The following COL23A1 variants were observed in gnomAD, a reference collection of about 807,000 sequenced individuals.
COL23A1 encodes the protein collagen type XXIII alpha 1 chain.
COL23A1 carries 97 observed loss-of-function variants against 99.3 expected under a neutral mutation model. The ratio of observed to expected loss-of-function variants is 0.98; its 90% confidence interval spans 0.83 to 1.16. The LOEUF is 1.16. COL23A1 is among the 50% of genes most tolerant of loss of function. The pLI, the probability that COL23A1 is intolerant of heterozygous loss-of-function variation, is 0.00. For synonymous variants in COL23A1, 320 were observed against 308.2 expected (o/e 1.04, Z -0.40); for missense variants, 762 against 757.4 (o/e 1.01, Z -0.07).
chr5:178,538,130 C>G (rs1761085297), intron 2 of COL23A1, among the ~76,000 whole-genome samples: 1 of 152,322 alleles, frequency 6.6e-6, no homozygotes, highest in Non-Finnish European at 1.5e-5. Context: ...TCATCATCAT[C>G]CTGAGCACAG....
chr5:178,285,258 C>T (rs755898087), intron 5 of COL23A1, among the ~76,000 whole-genome samples: 11 of 152,120 alleles, frequency 7.2e-5, no homozygotes, highest in Non-Finnish European at 1.0e-4. Flanking sequence ...AGAAAAGCAC[C>T]GACAGTCTCC....
At chr5:178,562,887 A>AT (rs1488830284) in intron 1 of COL23A1, among the ~76,000 whole-genome samples, 2 of 151,994 alleles carry the variant, frequency 1.3e-5, no homozygotes, top group East Asian at 1.9e-4. Context: ...TGTTTGGTGC[A>AT]TTTTTACAGA....
At chr5:178,435,633 G>T (rs559860236) in intron 2 of COL23A1, among the ~76,000 whole-genome samples, 7 of 152,096 alleles carry the variant, frequency 4.6e-5, no homozygotes, top group Non-Finnish European at 1.0e-4. Flanking sequence ...TGGGCTTCCC[G>T]GGCAGCTGCA....
At chr5:178,497,272 A>G (rs1758246356) in intron 2 of COL23A1, among the ~76,000 whole-genome samples, 1 of 152,238 alleles carries the variant, frequency 6.6e-6, no homozygotes, top group African/African-American at 2.4e-5. Flanking sequence ...CGCTATCAGG[A>G]CACAGAGCCT....
intron 3 of COL23A1, among the ~76,000 whole-genome samples, chr5:178,295,576 TA>T (rs1757695802): frequency 1.3e-5 from 2 of 152,220 alleles, no homozygotes; most frequent in South Asian, 4.1e-4. Flanking sequence ...CTGGCAATAC[TA>T]AGATTTAAAA....
rs1282335661 is a variant in COL23A1 at position 178,468,188 on chromosome 5, C to T, written c.361+92494G>A. Among the ~76,000 whole-genome samples the T allele has an allele frequency of 1.3e-5, 2 of 148,680 alleles. No individual in the cohort carries two copies. Among genetic ancestry groups the T allele is most frequent in the African/African-American group, 4.9e-5 (2 of 40,582 alleles). On this transcript the variant is annotated intron_variant, in intron 2 of 28. Coordinates refer to ENST00000390654, the MANE Select transcript of COL23A1 (RefSeq NM_173465.4). The surrounding 1 kb of genome is among the most constrained non-coding windows in gnomAD (Gnocchi z 4.2). ...CTTGTGTGTTCACGGAGGATGAACA[C>T]ACCCACCCAGACCCCACCCAGACCC...
chr5:178,541,415 C>T (rs1360245275), intron 2 of COL23A1, among the ~76,000 whole-genome samples: 1 of 152,170 alleles, frequency 6.6e-6, no homozygotes, highest in Admixed American at 6.6e-5. Flanking sequence ...TGGTGAAACC[C>T]CGTCTCTACC....
In COL23A1 at chr5:178,403,117, AAAAAATAAATAAAT is replaced by A. The variant is rs1427971894; in HGVS notation, c.362-96212_362-96199del. On this transcript the variant is annotated intron_variant, in intron 2 of 28. Transcript: ENST00000390654. ...GAGAGAGACTCCATCTCAAAAAAAAAAAAAATAAATAAATAAAAAATAAATACCATTTACCGAAA... is the reference window on the plus strand; with the variant it reads ...GAGAGAGACTCCATCTCAAAAAAAAAAAAAAATAAATACCATTTACCGAAA... Among the ~76,000 whole-genome samples the A allele has an allele frequency of 2.9e-5, 4 of 139,676 alleles. 1 individual carries two copies. The highest frequency in any genetic ancestry group is 1.1e-4 in the African/African-American group (4 of 35,172). The allele number at this position is 139,676 out of a possible 152,430, so 91.6% of individuals were successfully genotyped here. A position where few individuals can be genotyped will look rare whatever the true frequency, so the allele number is the denominator to read the frequency against.
At chr5:178,506,598 T>C (rs1233371960) in intron 2 of COL23A1, among the ~76,000 whole-genome samples, 3 of 152,210 alleles carry the variant, frequency 2.0e-5, no homozygotes, top group East Asian at 3.8e-4. Context: ...CTCCTGACCA[T>C]ATTAACGCAA....
At chr5:178,471,508 G>T (rs1373929520) in intron 2 of COL23A1, among the ~76,000 whole-genome samples, 5 of 138,992 alleles carry the variant, frequency 3.6e-5, no homozygotes, top group Non-Finnish European at 7.7e-5. Context: ...CAAAGTGCTC[G>T]GATTACGGGT....
chr5:178,367,814 G>A (rs527606156), intron 2 of COL23A1, among the ~76,000 whole-genome samples: 19 of 152,262 alleles, frequency 1.2e-4, no homozygotes, highest in Admixed American at 1.2e-3. Context: ...GCAGGTACAC[G>A]TGAGTCCAGG....
At chr5:178,482,615 C>G (rs577580635) in intron 2 of COL23A1, among the ~76,000 whole-genome samples, 1 of 152,184 alleles carries the variant, frequency 6.6e-6, no homozygotes, top group East Asian at 1.9e-4. Context: ...TTAGGCTGGC[C>G]GGGCGTGGTG....
intron 2 of COL23A1, among the ~76,000 whole-genome samples, chr5:178,393,714 C>A (rs1324569620): frequency 6.6e-6 from 1 of 151,142 alleles, no homozygotes; most frequent in Non-Finnish European, 1.5e-5. Context: ...CTGCTCACTG[C>A]AACCTCCACC....
chr5:178,535,477 T>C (rs551409579), intron 2 of COL23A1, among the ~76,000 whole-genome samples: 67 of 152,388 alleles, frequency 4.4e-4, no homozygotes, highest in African/African-American at 1.6e-3. Flanking sequence ...GAAGGCGCTC[T>C]GTATACCGCA....
At chr5:178,328,281 C>T (rs1473322998) in intron 2 of COL23A1, among the ~76,000 whole-genome samples, 1 of 152,198 alleles carries the variant, frequency 6.6e-6, no homozygotes, top group Non-Finnish European at 1.5e-5. Flanking sequence ...ACTGCGTTTT[C>T]ACCTCTGGGC....
intron 2 of COL23A1, among the ~76,000 whole-genome samples, chr5:178,469,880 G>A (rs995120078): frequency 6.6e-6 from 1 of 152,158 alleles, no homozygotes; most frequent in Non-Finnish European, 1.5e-5. Context: ...GAGGCCAGAA[G>A]GGAGCTTTCG....
chr5:178,502,653 C>G (rs1758633214), intron 2 of COL23A1, among the ~76,000 whole-genome samples: 1 of 152,180 alleles, frequency 6.6e-6, no homozygotes, highest in Admixed American at 6.5e-5. Context: ...AACAGGAAGT[C>G]TTGTTCACTG....
chr5:178,347,895 AAAC>A (rs1486980345), intron 2 of COL23A1, among the ~76,000 whole-genome samples: 457 of 44,366 alleles, frequency 0.01, 5 homozygotes, highest in African/African-American at 0.045. Context: ...AAAAAAAAAA[AAAC>A]CCAAAAAAAC....
intron 2 of COL23A1, among the ~76,000 whole-genome samples, chr5:178,420,523 C>T (rs568167373): frequency 3.6e-5 from 3 of 83,098 alleles, no homozygotes; most frequent in African/African-American, 1.4e-4. Flanking sequence ...CCTCTCCTCC[C>T]CCTCCTCACT....
Sources: gnomAD v4.1 joint callset for allele counts (sites outside exome capture counted in the v4.1 genomes callset) on GRCh38, gnomAD v4.1.1 for gene constraint, Gnocchi (gnomAD v3.1) non-coding constraint, MANE v1.5 for transcripts, NCBI Gene and HGNC (gene_info 2026-07-23, HGNC 2026-07-21) for gene names.